Variants in CSDE1 observed in about 807,000 individuals in gnomAD.
CSDE1 encodes the protein cold shock domain containing E1, also known as cold shock domain-containing protein E1.
Under a neutral mutation model 89.3 loss-of-function variants are expected in CSDE1, and 17 were observed. The observed-to-expected ratio is 0.19, with a 90% CI of 0.13 to 0.29. CSDE1 has a LOEUF of 0.29. Among genes scored for constraint, CSDE1 ranks in the 10% least tolerant of loss-of-function variants. CSDE1 has a pLI of 1.00. For synonymous variants in CSDE1, 322 were observed against 332.8 expected, an observed-to-expected ratio of 0.97 and a Z score of 0.35; for missense variants, 672 against 984.2, an observed-to-expected ratio of 0.68 and a Z score of 4.24.
intron 16 of CSDE1, among the ~76,000 whole-genome samples, chr1:114,723,208 C>T (rs576234015): frequency 6.6e-6 from 1 of 152,262 alleles, no homozygotes; most frequent in East Asian, 1.9e-4. Flanking sequence ...ATCTACTCCA[C>T]ATCATGTAAT....
chr1:114,725,925 A>C (rs1324997998), intron 14 of CSDE1, among the ~76,000 whole-genome samples: 3 of 152,164 alleles, frequency 2.0e-5, no homozygotes, highest in Non-Finnish European at 2.9e-5. Context: ...ATGAGCCACC[A>C]CACCCAGTCA....
rs147670914 is a variant in CSDE1 at position 114,721,809 on chromosome 1, C to A, written c.1874-1092G>T. Among the ~76,000 whole-genome samples, 704 of 151,722 alleles carry A rather than the reference C, an allele frequency of 4.6e-3. 7 individuals carry two copies. Among genetic ancestry groups the A allele is most frequent in the African/African-American group, 0.016 (669 of 41,372 alleles). ...CCATGTTGCCCAGGCTGGTCTCAAACTCCTGGGCTCAAGTGATCTGCCCAC... is the reference window on the plus strand; with the variant it reads ...CCATGTTGCCCAGGCTGGTCTCAAAATCCTGGGCTCAAGTGATCTGCCCAC... On this transcript the variant is annotated intron_variant, in intron 16 of 19. Coordinates refer to ENST00000358528, the MANE Select transcript of CSDE1 (RefSeq NM_001007553.3).
At position 114,719,642 on chromosome 1, in the gene CSDE1, T is replaced by C. The variant is rs778601409; in HGVS notation, c.2153A>G (p.Glu718Gly). 2 of 1,614,024 alleles carry C rather than the reference T, an allele frequency of 1.2e-6. No individual in the cohort carries two copies. The highest frequency in any genetic ancestry group is 1.7e-6 in the Non-Finnish European group (2 of 1,179,932). The change falls in exon 18 of 20, where the codon GAG (glutamate) becomes GGG (glycine). Residue 718 changes from glutamate to glycine, a missense_variant. Glu to Gly is a moderately conservative substitution (Grantham distance 98). Transcript: ENST00000358528. The part of the protein sequence containing the change: ...GIELQAGDEV[E>G]FSVILNQRTG... ...GCGCTGATTAAGAATCACTGAGAAC[T>C]CCACCTCATCTCCTGCCTGTAGCTC...
rs1249323273 is a variant in CSDE1 at position 114,741,653 on chromosome 1, A to T, written c.1-1763T>A. 1.2e-5 allele frequency: 18 copies of T among 1,544,734 alleles called. 1 individual carries two copies. The Admixed American group carries it at 2.6e-4, about 22-fold the overall frequency. ...GATGAGGATCTGATGACACAGTAAAAACGTTCTCCATCTCAAACAGCTGTT... is the reference window on the plus strand; with the variant it reads ...GATGAGGATCTGATGACACAGTAAATACGTTCTCCATCTCAAACAGCTGTT... On this transcript the variant is annotated intron_variant, in intron 2 of 19. Transcript: ENST00000358528.
intron 13 of CSDE1, 133 bp downstream of exon 13, chr1:114,726,850 A>G (rs1659826461): frequency 6.7e-6 from 4 of 593,550 alleles, no homozygotes; most frequent in Non-Finnish European, 1.2e-5. Context: ...CAAATACAAG[A>G]TATTCATGTA....
At chr1:114,719,768 G>T in intron 17 of CSDE1, 26 bp from the exon 18 acceptor site, 1 of 1,602,024 alleles carries the variant, frequency 6.2e-7, no homozygotes, top group South Asian at 1.1e-5. Context: ...AGGTAAAAAA[G>T]AGAGGGCATG....
At chr1:114,722,128 C>G (rs1330712339) in intron 16 of CSDE1, among the ~76,000 whole-genome samples, 1 of 152,160 alleles carries the variant, frequency 6.6e-6, no homozygotes, top group African/African-American at 2.4e-5. Context: ...GGTGATCTGC[C>G]TGCCTTGGCT....
chr1:114,734,678 T>G (rs903747792), intron 6 of CSDE1, among the ~76,000 whole-genome samples, 155 bp from the exon 7 acceptor site: 1 of 152,216 alleles, frequency 6.6e-6, no homozygotes, highest in Non-Finnish European at 1.5e-5. Context: ...TTTGATTATT[T>G]TCATATGGCT....
chr1:114,731,099 A>T (rs543881863), intron 10 of CSDE1, among the ~76,000 whole-genome samples: 130 of 151,726 alleles, frequency 8.6e-4, no homozygotes, highest in African/African-American at 2.9e-3. Context: ...AATATATGCA[A>T]TCTTTTCTCT....
chr1:114,736,915 G>T lies in CSDE1; in HGVS notation c.403-60C>A, dbSNP rs576635835. 32 of 1,290,096 alleles carry T rather than the reference G, an allele frequency of 2.5e-5. No homozygotes were observed. In the East Asian group the frequency reaches 6.1e-4, roughly 25 times the overall value. The allele number at this position is 1,290,096 out of a possible 1,614,324, so 79.9% of individuals were successfully genotyped here. On this transcript the variant is annotated intron_variant, in intron 5 of 19. Coordinates refer to ENST00000358528, the MANE Select transcript of CSDE1 (RefSeq NM_001007553.3). ...AGGATGCATATTCACTGTATACTGT[G>T]ATTTACTTACTTAAAAACCTCTTAT...
chr1:114,720,306 C>T (rs1659445978), intron 17 of CSDE1: 1 of 424,638 alleles, frequency 2.4e-6, no homozygotes, highest in Non-Finnish European at 4.2e-6. Context: ...CTTATTTTCC[C>T]CATTGCATAA....
At chr1:114,722,040 C>T (rs1021047648) in intron 16 of CSDE1, among the ~76,000 whole-genome samples, 2 of 151,160 alleles carry the variant, frequency 1.3e-5, no homozygotes, top group African/African-American at 4.9e-5. Context: ...CACCATGATA[C>T]CTGGCTAATT....
intron 18 of CSDE1, 33 bp from the exon 19 acceptor site, chr1:114,718,778 C>T: frequency 6.2e-7 from 1 of 1,608,252 alleles, no homozygotes; most frequent in African/African-American, 1.3e-5. Flanking sequence ...GAAGAAACCA[C>T]ACTTGGTGGG....
intron 2 of CSDE1, among the ~76,000 whole-genome samples, chr1:114,742,345 C>G (rs1479295127): frequency 6.6e-6 from 1 of 152,064 alleles, no homozygotes; most frequent in Non-Finnish European, 1.5e-5. Context: ...AATCCCAGCA[C>G]AGGGAGGCCG....
intron 16 of CSDE1, among the ~76,000 whole-genome samples, 166 bp from the exon 17 acceptor site, chr1:114,720,883 G>A (rs1659481054): frequency 6.6e-6 from 1 of 152,156 alleles, no homozygotes; most frequent in Non-Finnish European, 1.5e-5. Context: ...AATCCTAAAT[G>A]TTAAATACTA....
rs145307167 is a variant in CSDE1, at chr1:114,725,926, C to T, written c.1640+285G>A. On this transcript the variant is annotated intron_variant, in intron 14 of 19. Coordinates refer to ENST00000358528, the MANE Select transcript of CSDE1 (RefSeq NM_001007553.3). Reference sequence around the variant, plus strand: ...CTGGGATTATAGGCATGAGCCACCACACCCAGTCAGACCCCTTACTCTTAC... The same window carrying T: ...CTGGGATTATAGGCATGAGCCACCATACCCAGTCAGACCCCTTACTCTTAC... Among the ~76,000 whole-genome samples the T allele has an allele frequency of 2.6e-3, 393 of 152,324 alleles. 3 individuals carry two copies. Among genetic ancestry groups the T allele is most frequent in the Admixed American group, 8.4e-3 (128 of 15,300 alleles).
intron 16 of CSDE1, among the ~76,000 whole-genome samples, chr1:114,721,832 CACCTTGGCCTCCCGA>C (rs1023795377): frequency 1.3e-5 from 2 of 151,392 alleles, no homozygotes; most frequent in Non-Finnish European, 2.9e-5. Flanking sequence ...GTGATCTGCC[CACCTTGGCCTCCCGA>C]AGTGTTGGGT....
At chr1:114,731,663 C>T (rs1660107744) in intron 10 of CSDE1, among the ~76,000 whole-genome samples, 1 of 152,160 alleles carries the variant, frequency 6.6e-6, no homozygotes. Context: ...CTCCCAGACA[C>T]AAACTCTTAA....
rs1659275679 is a variant in CSDE1 at position 114,717,899 on chromosome 1, A to T, written c.*270T>A. The T allele has an allele frequency of 6.9e-6, 3 of 433,246 alleles. No individual in the cohort carries two copies. Among genetic ancestry groups the T allele is most frequent in the Non-Finnish European group, 1.2e-5 (3 of 244,590 alleles). 26.8% of individuals were successfully genotyped at this position (433,246 alleles called of 1,614,324 possible). A position where few individuals can be genotyped will look rare whatever the true frequency, so the allele number is the denominator to read the frequency against. The stretch of plus-strand genomic sequence containing the variant: ...GGATTCTGCAATTACCAGTTGCGTT[A>T]AATGCACCAAATAAAGCTCCTAAAA... On this transcript the variant is annotated 3_prime_UTR_variant, in exon 20 of 20. Coordinates refer to ENST00000358528, the MANE Select transcript of CSDE1 (RefSeq NM_001007553.3).
Sources: gnomAD v4.1 joint callset for allele counts (sites outside exome capture counted in the v4.1 genomes callset) on GRCh38, gnomAD v4.1.1 for gene constraint, MANE v1.5 for transcripts, NCBI Gene and HGNC (gene_info 2026-07-23, HGNC 2026-07-21) for gene names.